FAF1: variants seen among roughly 807,000 people sequenced by gnomAD.
FAF1 encodes the protein Fas associated factor 1.
FAF1 carries 25 observed loss-of-function variants against 92.5 expected under a neutral mutation model. The ratio of observed to expected loss-of-function variants is 0.27; its 90% CI spans 0.20 to 0.38. The LOEUF (loss-of-function observed/expected upper bound fraction) is 0.38. Ranked by LOEUF, FAF1 falls within the 10% of genes least tolerant of loss-of-function variation. The probability of loss-of-function intolerance (pLI) is 1.00; values close to 1 mark genes in which losing one functional copy is unlikely to be tolerated. For synonymous variants in FAF1, 234 were observed against 273.2 expected (o/e 0.86, Z 1.42); for missense variants, 636 against 793.3 (o/e 0.80, Z 2.38).
chr1:50,696,191 G>A (rs1164779026), intron 7 of FAF1, among the ~76,000 whole-genome samples: 3 of 151,964 alleles, frequency 2.0e-5, no homozygotes, highest in African/African-American at 4.8e-5. Flanking sequence ...GATTTCCTCT[G>A]GAGTATATCT....
chr1:50,468,888 G>A (rs576951102), intron 18 of FAF1, among the ~76,000 whole-genome samples: 3 of 152,258 alleles, frequency 2.0e-5, no homozygotes, highest in South Asian at 2.1e-4. Context: ...GAGCCACTGC[G>A]CCTGGCCAAC....
chr1:50,563,463 C>T (rs192586489), intron 13 of FAF1, among the ~76,000 whole-genome samples: 137 of 151,926 alleles, frequency 9.0e-4, no homozygotes, highest in African/African-American at 3.2e-3. Flanking sequence ...TAGCACTTCT[C>T]AAGACTACCA....
At chr1:50,867,633 C>T (rs1370049317) in intron 1 of FAF1, among the ~76,000 whole-genome samples, 3 of 152,082 alleles carry the variant, frequency 2.0e-5, no homozygotes, top group Admixed American at 2.0e-4. Flanking sequence ...CAATGCGATA[C>T]CACTTTACTC....
At chr1:50,695,637 GT>G (rs1657166860) in intron 7 of FAF1, among the ~76,000 whole-genome samples, 1 of 151,920 alleles carries the variant, frequency 6.6e-6, no homozygotes. Flanking sequence ...ATAAGACAAA[GT>G]TTTTTGTTTT....
At chr1:50,515,013 CCATA>C (rs1647198786) in intron 15 of FAF1, among the ~76,000 whole-genome samples, 1 of 152,256 alleles carries the variant, frequency 6.6e-6, no homozygotes, top group South Asian at 2.1e-4. Context: ...CAGTTTTTCC[CCATA>C]CAATTTGTTC....
intron 18 of FAF1, among the ~76,000 whole-genome samples, chr1:50,448,056 T>C (rs1646250145): frequency 1.3e-5 from 2 of 152,228 alleles, no homozygotes; most frequent in African/African-American, 2.4e-5. Context: ...GGAAATATAA[T>C]ACTAACACTT....
At chr1:50,907,129 T>C (rs1644845914) in intron 1 of FAF1, among the ~76,000 whole-genome samples, 1 of 152,208 alleles carries the variant, frequency 6.6e-6, no homozygotes, top group Non-Finnish European at 1.5e-5. Context: ...CTGCATCTAC[T>C]GAGATAATCA....
rs187810943 is a variant in FAF1 at position 50,774,701 on chromosome 1, C to G, written c.367+13299G>C. Reference sequence around the variant, plus strand: ...TTGTTAACAGCACTGATTTAACAAACTTTATTAAACAAATAGCTGCATGTT... The same window carrying G: ...TTGTTAACAGCACTGATTTAACAAAGTTTATTAAACAAATAGCTGCATGTT... On this transcript the variant is annotated intron_variant, in intron 4 of 18. Transcript: ENST00000396153. Among the ~76,000 whole-genome samples the G allele has an allele frequency of 8.5e-5, 13 of 152,188 alleles. No individual in the cohort carries two copies. In the East Asian group the frequency reaches 2.5e-3, roughly 29 times the overall value.
chr1:50,951,696 A>C (rs1645215298), intron 1 of FAF1, among the ~76,000 whole-genome samples: 1 of 152,234 alleles, frequency 6.6e-6, no homozygotes, highest in Admixed American at 6.5e-5. Context: ...TAATAAATAA[A>C]GAGGACAGAG....
chr1:50,628,565 T>A (rs1035815148), intron 8 of FAF1, among the ~76,000 whole-genome samples: 1 of 152,194 alleles, frequency 6.6e-6, no homozygotes, highest in Non-Finnish European at 1.5e-5. Context: ...GTTTTAGAGA[T>A]GAAAAAGGCT....
At chr1:50,816,350 G>A (rs1334668847) in intron 2 of FAF1, among the ~76,000 whole-genome samples, 13 of 151,296 alleles carry the variant, frequency 8.6e-5, no homozygotes, top group Non-Finnish European at 1.9e-4. Context: ...GAGTACAGGC[G>A]CCTGCCACTA....
In FAF1 at chr1:50,892,977, G is replaced by C. The variant is rs547571137; in HGVS notation, c.46-34980C>G. Among the ~76,000 whole-genome samples the C allele has an allele frequency of 2.2e-3, 333 of 152,236 alleles. 3 individuals carry two copies. Among genetic ancestry groups the C allele is most frequent in the African/African-American group, 7.9e-3 (329 of 41,554 alleles). On this transcript the variant is annotated intron_variant, in intron 1 of 18. Coordinates refer to ENST00000396153, the MANE Select transcript of FAF1 (RefSeq NM_007051.3). Reference sequence around the variant, plus strand: ...TGTCTGATCAATTCTGCTACTAAAAGACTTAAAATGCATTCTTGAGTAGTT... The same window carrying C: ...TGTCTGATCAATTCTGCTACTAAAACACTTAAAATGCATTCTTGAGTAGTT...
chr1:50,941,780 C>T (rs971504387), intron 1 of FAF1, among the ~76,000 whole-genome samples: 1 of 152,176 alleles, frequency 6.6e-6, no homozygotes, highest in African/African-American at 2.4e-5. Context: ...GAGGGAAACA[C>T]GTTCCCCCAT....
At chr1:50,881,403 C>T (rs763169766) in intron 1 of FAF1, among the ~76,000 whole-genome samples, 60 of 152,168 alleles carry the variant, frequency 3.9e-4, no homozygotes, top group Non-Finnish European at 8.1e-4. Context: ...TCCTGGTGAA[C>T]TCATCCTGAA....
chr1:50,843,227 T>G (rs1443652876), intron 2 of FAF1, among the ~76,000 whole-genome samples: 3 of 152,186 alleles, frequency 2.0e-5, no homozygotes, highest in African/African-American at 7.2e-5. Flanking sequence ...TAAGAGGGTT[T>G]GCCTATGGTT....
chr1:50,853,050 G>A (rs1644363351), intron 2 of FAF1, among the ~76,000 whole-genome samples: 1 of 152,174 alleles, frequency 6.6e-6, no homozygotes, highest in South Asian at 2.1e-4. Context: ...ATGAAGGGCA[G>A]TGCTCAATGC....
chr1:50,922,308 A>G (rs1218857028), intron 1 of FAF1, among the ~76,000 whole-genome samples: 2 of 151,160 alleles, frequency 1.3e-5, no homozygotes, highest in South Asian at 2.1e-4. Flanking sequence ...AAAATACAAA[A>G]ATTAGCTGAG....
At chr1:50,876,195 C>T (rs12119774) in intron 1 of FAF1, among the ~76,000 whole-genome samples, 316 of 152,220 alleles carry the variant, frequency 2.1e-3, no homozygotes, top group Non-Finnish European at 3.2e-3. Flanking sequence ...AAATGGAGTA[C>T]GTCAGGCAAA....
intron 6 of FAF1, 191 bp from the exon 7 acceptor site, chr1:50,706,082 CTCTT>C: frequency 2.1e-6 from 1 of 481,596 alleles, no homozygotes; most frequent in East Asian, 2.9e-5. Context: ...AACCTGTTAA[CTCTT>C]TCTCTACCAA....
Sources: gnomAD v4.1 joint callset for allele counts (sites outside exome capture counted in the v4.1 genomes callset) on GRCh38, gnomAD v4.1.1 for gene constraint, MANE v1.5 for transcripts, NCBI Gene and HGNC (gene_info 2026-07-23, HGNC 2026-07-21) for gene names.